The following ASPH variants were observed in gnomAD, a reference collection of about 807,000 sequenced individuals.
ASPH encodes aspartate beta-hydroxylase, also known as aspartyl/asparaginyl beta-hydroxylase.
In ASPH, 100 loss-of-function variants were observed where a neutral mutation model predicts 118.4. That is an observed-to-expected ratio of 0.84 (90% CI 0.72 to 1.00). The LOEUF (loss-of-function observed/expected upper bound fraction) is 1.00. Ranked by LOEUF, ASPH falls within the 50% of genes least tolerant of loss-of-function variation. The pLI is 0.00. For synonymous variants in ASPH, 315 were observed against 325.6 expected (o/e 0.97, Z 0.35); for missense variants, 920 against 919.5 (o/e 1.00, Z -0.01).
chr8:61,604,217 T>C (rs1844918854), intron 14 of ASPH, among the ~76,000 whole-genome samples: 1 of 152,158 alleles, frequency 6.6e-6, no homozygotes. Flanking sequence ...GGTACATATA[T>C]GCAGAAAGGC....
rs1563804318 is a variant in ASPH at position 61,556,041 on chromosome 8, CA to C, written c.1438-20del. The C allele has an allele frequency of 8.7e-6, 14 of 1,604,112 alleles. No individual in the cohort carries two copies. Among genetic ancestry groups the C allele is most frequent in the African/African-American group, 1.3e-5 (1 of 74,710 alleles). On this transcript the variant is annotated intron_variant, in intron 18 of 24. Coordinates refer to ENST00000379454, the MANE Select transcript of ASPH (RefSeq NM_004318.4). ...TCAGCACCTAAACTCAAAGAAAACA[CA>C]GAACATAACTCAAAGAAAACATAGG...
intron 14 of ASPH, among the ~76,000 whole-genome samples, chr8:61,590,209 A>T (rs1327322233): frequency 6.6e-6 from 1 of 150,876 alleles, no homozygotes; most frequent in Non-Finnish European, 1.5e-5. Context: ...GATCCCAGAC[A>T]CTGACTTGCT....
chr8:61,675,819 A>G (rs1371137633), intron 3 of ASPH: 7 of 1,291,520 alleles, frequency 5.4e-6, no homozygotes, highest in Non-Finnish European at 6.9e-6. Context: ...TTATACCACC[A>G]AGAACATCAT....
rs1345587782 is a variant in ASPH, at chr8:61,633,938, G to T, written c.890-211C>A. On this transcript the variant is annotated intron_variant, in intron 12 of 24. Transcript: ENST00000379454. ...ATGTTGTGTATTTCTCAACGGTTCA[G>T]CACAGCAGGTTTTATAGTACCTGCC... Among the ~76,000 whole-genome samples, 4 of 152,106 alleles carry T rather than the reference G, an allele frequency of 2.6e-5. No individual in the cohort carries two copies. The East Asian group carries it at 7.7e-4, about 29-fold the overall frequency.
intron 1 of ASPH, chr8:61,687,621 T>C (rs2151739780): frequency 6.6e-6 from 1 of 152,296 alleles, no homozygotes; most frequent in South Asian, 2.1e-4. Context: ...AAGTCATTTA[T>C]GATGAAACTT....
chr8:61,679,171 A>G (rs533282719), intron 3 of ASPH, among the ~76,000 whole-genome samples: 1 of 152,150 alleles, frequency 6.6e-6, no homozygotes, highest in Non-Finnish European at 1.5e-5. Flanking sequence ...GCCACAAGCC[A>G]ACTGCAAACT....
intron 5 of ASPH, among the ~76,000 whole-genome samples, chr8:61,650,042 C>G (rs957400936): frequency 5.3e-5 from 8 of 152,150 alleles, no homozygotes; most frequent in African/African-American, 9.7e-5. Flanking sequence ...TTCTGACCCC[C>G]CTTCTGAGTA....
At chr8:61,657,894 C>T (rs1183705759) in intron 3 of ASPH, 2 of 152,134 alleles carry the variant, frequency 1.3e-5, no homozygotes, top group Admixed American at 6.5e-5. Flanking sequence ...GTGTTTTAAT[C>T]TTTGGTTTAC....
chr8:61,639,955 C>A (rs191234804), intron 10 of ASPH, among the ~76,000 whole-genome samples: 42 of 152,268 alleles, frequency 2.8e-4, no homozygotes, highest in Non-Finnish European at 5.1e-4. Flanking sequence ...TGAAGACCTG[C>A]CAATTTTACC....
intron 13 of ASPH, 87 bp from the exon 14 acceptor site, chr8:61,619,106 A>G (rs1467684958): frequency 2.6e-5 from 25 of 949,988 alleles, no homozygotes; most frequent in Non-Finnish European, 3.6e-5. Flanking sequence ...AATGAATTCA[A>G]TAAGTATAAT....
At chr8:61,625,785 T>C in intron 13 of ASPH, 2 of 986,036 alleles carry the variant, frequency 2.0e-6, no homozygotes, top group Non-Finnish European at 2.4e-6. Context: ...TGATGATCTC[T>C]GTTAGCGTTT....
intron 12 of ASPH, among the ~76,000 whole-genome samples, chr8:61,636,724 T>C (rs72659026): frequency 0.01 from 1,596 of 152,298 alleles, 11 homozygotes; most frequent in Non-Finnish European, 0.017. Flanking sequence ...CTATAAACCG[T>C]ATGTAGGGTA....
At chr8:61,696,261 T>C (rs188231049) in intron 1 of ASPH, among the ~76,000 whole-genome samples, 3 of 152,338 alleles carry the variant, frequency 2.0e-5, no homozygotes, top group African/African-American at 2.4e-5. Context: ...CCATGAGTTT[T>C]AGAACTTAGG....
chr8:61,569,821 T>G (rs2131828262), intron 16 of ASPH, among the ~76,000 whole-genome samples: 1 of 152,346 alleles, frequency 6.6e-6, no homozygotes, highest in Non-Finnish European at 1.5e-5. Context: ...AATAGTCTTA[T>G]CTACCAGGAG....
chr8:61,672,523 T>TAA (rs111934417), intron 3 of ASPH, among the ~76,000 whole-genome samples: 1 of 147,528 alleles, frequency 6.8e-6, no homozygotes, highest in African/African-American at 2.5e-5. Context: ...CAGTTTTTTT[T>TAA]AAAAAAAAAA....
intron 13 of ASPH, among the ~76,000 whole-genome samples, chr8:61,620,041 T>C (rs1426959040): frequency 6.6e-6 from 1 of 152,216 alleles, no homozygotes. Context: ...CATTCATTCA[T>C]ATAAAACATT....
chr8:61,579,459 A>T (rs1836649660), intron 15 of ASPH: 3 of 1,607,958 alleles, frequency 1.9e-6, no homozygotes, highest in Non-Finnish European at 1.7e-6. Context: ...TATTCATACG[A>T]AGACCACCAG....
rs2132133834 is a variant in ASPH at position 61,576,840 on chromosome 8, C to T, written c.1081G>A (p.Val361Met). The T allele has an allele frequency of 6.2e-7, 1 of 1,607,418 alleles. No individual in the cohort carries two copies. The highest frequency in any genetic ancestry group is 1.7e-4 in the Middle Eastern group (1 of 6,040). ...CGTACTAGTTCTTTAAATGCATTCA[C>T]TGCTTCCTCAATTTTTCCCTGTTAG... Reference protein sequence around the residue: ...LRKRGKIEEAVNAFKELVRKY... With the variant: ...LRKRGKIEEAMNAFKELVRKY... Residue 361 changes from valine to methionine, a missense_variant, in exon 16 of 25, where the codon GTG becomes ATG. Coordinates refer to ENST00000379454, the MANE Select transcript of ASPH (RefSeq NM_004318.4).
At chr8:61,611,976 A>T (rs374284140) in intron 14 of ASPH, among the ~76,000 whole-genome samples, 4 of 152,154 alleles carry the variant, frequency 2.6e-5, no homozygotes, top group Non-Finnish European at 4.4e-5. Flanking sequence ...CCAGTTTTCA[A>T]CCAAAAACTA....
Sources: gnomAD v4.1 joint callset for allele counts (sites outside exome capture counted in the v4.1 genomes callset) on GRCh38, gnomAD v4.1.1 for gene constraint, MANE v1.5 for transcripts, NCBI Gene and HGNC (gene_info 2026-07-23, HGNC 2026-07-21) for gene names.